Variants in PCDH15 observed in about 807,000 individuals in gnomAD.
PCDH15 encodes protocadherin-15.
In PCDH15, 129 loss-of-function variants were observed where a neutral mutation model predicts 178.5. The observed-to-expected ratio is 0.72, with a 90% CI of 0.63 to 0.84. The LOEUF (loss-of-function observed/expected upper bound fraction) is 0.84, where lower values mean the gene tolerates loss of function less well. Among genes scored for constraint, PCDH15 ranks in the 40% least tolerant of loss-of-function variants. PCDH15 has a pLI of 0.00. For synonymous variants in PCDH15, 800 were observed against 732.0 expected, an observed-to-expected ratio of 1.09 and a Z score of -1.50; for missense variants, 2,230 against 2,099.9, an observed-to-expected ratio of 1.06 and a Z score of -1.21.
chr10:55,467,966 CAAA>C (rs71463104), intron 2 of PCDH15, among the ~76,000 whole-genome samples: 19 of 36,630 alleles, frequency 5.2e-4, no homozygotes, highest in South Asian at 4.8e-3. Context: ...GACTCCGTCT[CAAA>C]AAAAAAAAAA....
At chr10:55,257,579 C>G (rs1412223481) in intron 1 of PCDH15, among the ~76,000 whole-genome samples, 2 of 152,134 alleles carry the variant, frequency 1.3e-5, no homozygotes, top group African/African-American at 2.4e-5. Flanking sequence ...GACGAATACA[C>G]AAGCCTCAGT....
intron 18 of PCDH15, among the ~76,000 whole-genome samples, chr10:54,042,441 G>A (rs1311475585): frequency 6.6e-6 from 1 of 152,112 alleles, no homozygotes; most frequent in Non-Finnish European, 1.5e-5. Context: ...AGGACAGGGA[G>A]AGTGCTATTG....
intron 20 of PCDH15, among the ~76,000 whole-genome samples, chr10:54,015,963 A>C (rs971450637): frequency 6.6e-6 from 1 of 152,128 alleles, no homozygotes; most frequent in African/African-American, 2.4e-5. Context: ...CAAAAAAACT[A>C]TCAACAGAGT....
intron 1 of PCDH15, among the ~76,000 whole-genome samples, chr10:54,698,999 A>T (rs963619745): frequency 2.0e-5 from 3 of 152,134 alleles, no homozygotes; most frequent in African/African-American, 7.2e-5. Context: ...AGTCAATATT[A>T]ATCAAATGAG....
intron 15 of PCDH15, among the ~76,000 whole-genome samples, chr10:54,098,472 T>A (rs2094743829): frequency 6.6e-6 from 1 of 152,154 alleles, no homozygotes. Context: ...GCTTTTGTCA[T>A]CTGGAATGAT....
chr10:55,462,483 T>C (rs1839700644), intron 2 of PCDH15, among the ~76,000 whole-genome samples: 1 of 152,168 alleles, frequency 6.6e-6, no homozygotes, highest in Admixed American at 6.6e-5. Context: ...CTTCTGAGTA[T>C]GGCAAGGAGT....
intron 2 of PCDH15, among the ~76,000 whole-genome samples, chr10:54,654,521 C>A (rs2094333646): frequency 6.6e-6 from 1 of 152,050 alleles, no homozygotes; most frequent in African/African-American, 2.4e-5. Flanking sequence ...TTACTGGAAG[C>A]CATAGAGAGT....
intron 3 of PCDH15, among the ~76,000 whole-genome samples, chr10:54,862,527 G>A (rs1219430149): frequency 1.3e-5 from 2 of 152,122 alleles, no homozygotes; most frequent in Admixed American, 1.3e-4. Flanking sequence ...CAAAACTCAG[G>A]TTAAAATTTG....
intron 2 of PCDH15, chr10:54,619,408 A>G (rs750474429): frequency 2.0e-5 from 3 of 152,136 alleles, no homozygotes; most frequent in Non-Finnish European, 4.4e-5. Flanking sequence ...ATGGTTTCAT[A>G]ATGACATTGA....
At chr10:54,250,373 C>G (rs774899542) in intron 8 of PCDH15, among the ~76,000 whole-genome samples, 2 of 149,170 alleles carry the variant, frequency 1.3e-5, no homozygotes, top group Non-Finnish European at 3.0e-5. Context: ...AGCTCTGCCT[C>G]CCGGGTTCAC....
intron 2 of PCDH15, among the ~76,000 whole-genome samples, chr10:55,491,614 C>A (rs1333138872): frequency 6.6e-6 from 1 of 151,242 alleles, no homozygotes; most frequent in African/African-American, 2.4e-5. Flanking sequence ...AAAACTGCAG[C>A]TTAGCCTGAG....
intron 1 of PCDH15, among the ~76,000 whole-genome samples, chr10:54,674,173 G>A (rs536782475): frequency 2.0e-5 from 3 of 151,942 alleles, no homozygotes; most frequent in Non-Finnish European, 4.4e-5. Context: ...TAAGGTCTTC[G>A]GCCAACTGAA....
chr10:53,888,697 ATATAT>A lies in PCDH15; in HGVS notation c.3501+14541_3501+14545del, dbSNP rs199788384. On this transcript the variant is annotated intron_variant, in intron 26 of 37. Transcript: ENST00000644397. ...TATATATATATATATATATATATATATATATATCTCCTGTGGAAATTGATAAGCTG... is the reference window on the plus strand; with the variant it reads ...TATATATATATATATATATATATATAATCTCCTGTGGAAATTGATAAGCTG... 7.0e-3 allele frequency among the ~76,000 whole-genome samples: 366 copies of A among 52,030 alleles called. 63 individuals are homozygous for A. The highest frequency in any genetic ancestry group is 0.023 in the East Asian group (24 of 1,022). 34.1% of individuals were successfully genotyped at this position (52,030 alleles called of 152,430 possible). A position where few individuals can be genotyped will look rare whatever the true frequency, so the allele number is the denominator to read the frequency against.
upstream of PCDH15, among the ~76,000 whole-genome samples, chr10:54,805,994 T>C (rs903513889): frequency 6.6e-6 from 1 of 152,156 alleles, no homozygotes; most frequent in Non-Finnish European, 1.5e-5. Context: ...TAAAGTCAAA[T>C]TATTTGAATA....
intron 2 of PCDH15, among the ~76,000 whole-genome samples, chr10:54,539,164 C>T (rs990660385): frequency 6.6e-6 from 1 of 152,118 alleles, no homozygotes; most frequent in Non-Finnish European, 1.5e-5. Flanking sequence ...TATCTAAAAG[C>T]CCTACTTAAA....
At chr10:53,866,194 T>A (rs1399076079) in intron 27 of PCDH15, among the ~76,000 whole-genome samples, 1 of 152,134 alleles carries the variant, frequency 6.6e-6, no homozygotes, top group Non-Finnish European at 1.5e-5. Flanking sequence ...CCAAACATTT[T>A]CTTTGTTTTC....
At chr10:54,923,749 T>C (rs1591786397) in intron 2 of PCDH15, among the ~76,000 whole-genome samples, 1 of 138,274 alleles carries the variant, frequency 7.2e-6, no homozygotes, top group East Asian at 2.0e-4. Flanking sequence ...GTTTATCATC[T>C]GAGGCCTCAG....
chr10:54,646,271 T>C (rs2094128522), intron 2 of PCDH15, among the ~76,000 whole-genome samples: 1 of 152,126 alleles, frequency 6.6e-6, no homozygotes, highest in Non-Finnish European at 1.5e-5. Context: ...TGTAAAACAC[T>C]GTATTCAGAA....
chr10:55,356,954 T>C (rs1363461604), intron 2 of PCDH15, among the ~76,000 whole-genome samples: 1 of 151,902 alleles, frequency 6.6e-6, no homozygotes, highest in Non-Finnish European at 1.5e-5. Context: ...ATTCTGAAAC[T>C]TCAAGGAAAG....
Sources: allele counts gnomAD v4.1 joint callset (sites outside exome capture counted in the v4.1 genomes callset), GRCh38; gene constraint gnomAD v4.1.1; transcripts MANE v1.5; gene names NCBI Gene and HGNC (gene_info 2026-07-23, HGNC 2026-07-21).